EDIL3: variants seen among roughly 807,000 people sequenced by gnomAD.
The protein encoded by EDIL3 is EGF-like repeat and discoidin I-like domain-containing protein 3.
In EDIL3, 37 loss-of-function variants were observed where a neutral mutation model predicts 67.4. That is an observed-to-expected ratio of 0.55 (90% confidence interval 0.42 to 0.72). The LOEUF (loss-of-function observed/expected upper bound fraction) is 0.72. Ranked by LOEUF, EDIL3 falls within the 30% of genes least tolerant of loss-of-function variation. EDIL3 has a pLI of 0.00. For missense variants in EDIL3, 527 were observed against 586.3 expected (o/e 0.90, Z 1.04); for synonymous variants, 195 against 196.3 (o/e 0.99, Z 0.05).
At chr5:84,055,557 C>T (rs530644672) in intron 9 of EDIL3, among the ~76,000 whole-genome samples, 1 of 151,946 alleles carries the variant, frequency 6.6e-6, no homozygotes, top group East Asian at 1.9e-4. Flanking sequence ...GCAATCTAGT[C>T]ATCTGACAAA....
At chr5:84,206,071 C>A (rs1324021471) in intron 3 of EDIL3, among the ~76,000 whole-genome samples, 1 of 151,200 alleles carries the variant, frequency 6.6e-6, no homozygotes, top group African/African-American at 2.4e-5. Context: ...TTTCCCTCTA[C>A]ACACTGCTTT....
At chr5:83,985,819 C>G (rs943993152) in intron 9 of EDIL3, among the ~76,000 whole-genome samples, 1 of 151,378 alleles carries the variant, frequency 6.6e-6, no homozygotes, top group African/African-American at 2.4e-5. Context: ...TTTTTAAATT[C>G]ACTATTTTTA....
At chr5:84,217,941 C>T (rs1744266102) in intron 3 of EDIL3, among the ~76,000 whole-genome samples, 2 of 151,918 alleles carry the variant, frequency 1.3e-5, no homozygotes, top group Admixed American at 6.6e-5. Context: ...TAATTTCTGG[C>T]TTGTCTCCTA....
intron 1 of EDIL3, among the ~76,000 whole-genome samples, chr5:84,371,962 T>C (rs1026769962): frequency 6.6e-6 from 1 of 152,164 alleles, no homozygotes; most frequent in East Asian, 1.9e-4. Context: ...CACTTTTTGA[T>C]AGTACTCATT....
At chr5:84,130,367 T>G (rs1021135964) in intron 5 of EDIL3, among the ~76,000 whole-genome samples, 1 of 152,196 alleles carries the variant, frequency 6.6e-6, no homozygotes, top group African/African-American at 2.4e-5. Flanking sequence ...AGTTTATTCA[T>G]GTATGTTCTT....
At chr5:84,263,963 G>C (rs1342124725) in intron 1 of EDIL3, among the ~76,000 whole-genome samples, 5 of 152,208 alleles carry the variant, frequency 3.3e-5, no homozygotes, top group African/African-American at 4.8e-5. Context: ...GTTCTGGCCA[G>C]GAATGATGGC....
chr5:84,080,279 A>G (rs1460167972), intron 6 of EDIL3, among the ~76,000 whole-genome samples: 1 of 115,890 alleles, frequency 8.6e-6, no homozygotes, highest in South Asian at 3.1e-4. Flanking sequence ...AGCCTGGGTG[A>G]CAGAGCGAGA....
chr5:84,208,672 C>T (rs1475378367), intron 3 of EDIL3, among the ~76,000 whole-genome samples: 4 of 107,436 alleles, frequency 3.7e-5, no homozygotes, highest in Non-Finnish European at 5.1e-5. Flanking sequence ...GGCAACAGAG[C>T]GAGACTCCGT....
At chr5:84,232,396 T>C (rs1451965880) in intron 2 of EDIL3, among the ~76,000 whole-genome samples, 1 of 59,776 alleles carries the variant, frequency 1.7e-5, no homozygotes, top group African/African-American at 6.4e-5. Context: ...AAAGAAGTGA[T>C]GTCTAAGAAG....
At chr5:84,033,852 A>T in intron 9 of EDIL3, among the ~76,000 whole-genome samples, 1 of 152,218 alleles carries the variant, frequency 6.6e-6, no homozygotes, top group East Asian at 1.9e-4. Context: ...ATATTAAGTT[A>T]GTGATCTGGA....
At chr5:84,113,579 T>C (rs1299590035) in intron 5 of EDIL3, among the ~76,000 whole-genome samples, 1 of 152,212 alleles carries the variant, frequency 6.6e-6, no homozygotes, top group Non-Finnish European at 1.5e-5. Flanking sequence ...CTTCTCACTC[T>C]GCAAATTCAT....
chr5:84,116,710 T>C (rs1193607538), intron 5 of EDIL3, among the ~76,000 whole-genome samples: 3 of 152,228 alleles, frequency 2.0e-5, no homozygotes, highest in Admixed American at 6.5e-5. Flanking sequence ...CTGAAAGGAA[T>C]AATTCAACAT....
intron 9 of EDIL3, among the ~76,000 whole-genome samples, chr5:83,981,049 T>C (rs1332590409): frequency 1.3e-5 from 2 of 152,066 alleles, no homozygotes; most frequent in African/African-American, 4.8e-5. Context: ...TTAGTATTGT[T>C]AAATGGCAAT....
At chr5:84,274,394 C>G (rs564726016) in intron 1 of EDIL3, among the ~76,000 whole-genome samples, 166 of 152,268 alleles carry the variant, frequency 1.1e-3, no homozygotes, top group Non-Finnish European at 1.9e-3. Context: ...AATATCACAC[C>G]AGGCCCTAAT....
intron 8 of EDIL3, 113 bp downstream of exon 8, chr5:84,064,587 C>A: frequency 7.4e-7 from 1 of 1,357,650 alleles, no homozygotes; most frequent in Non-Finnish European, 9.8e-7. Context: ...GACATTTTTC[C>A]CCAGAAAAAA....
At chr5:84,340,503 A>ACTCTCT (rs1170972212) in intron 1 of EDIL3, among the ~76,000 whole-genome samples, 492 of 38,498 alleles carry the variant, frequency 0.013, 13 homozygotes, top group African/African-American at 0.021. Flanking sequence ...AGGGAAGATT[A>ACTCTCT]CTCTCTCTCT....
chr5:84,209,267 C>T (rs1744062988), intron 3 of EDIL3, among the ~76,000 whole-genome samples: 1 of 151,904 alleles, frequency 6.6e-6, no homozygotes, highest in South Asian at 2.1e-4. Context: ...GGCGATACAC[C>T]TAATGCTAAA....
At chr5:84,294,422 T>C (rs1425607209) in intron 1 of EDIL3, among the ~76,000 whole-genome samples, 1 of 147,422 alleles carries the variant, frequency 6.8e-6, no homozygotes, top group Non-Finnish European at 1.5e-5. Flanking sequence ...TAAGTCATCA[T>C]CCAGATGGAA....
At chr5:84,339,036 CTG>C (rs1398364035) in intron 1 of EDIL3, among the ~76,000 whole-genome samples, 3 of 151,892 alleles carry the variant, frequency 2.0e-5, no homozygotes, top group Admixed American at 6.6e-5. Context: ...GTACTGGGCT[CTG>C]TGGTTGGTGC....
Sources: gnomAD v4.1 joint callset for allele counts (sites outside exome capture counted in the v4.1 genomes callset) on GRCh38, gnomAD v4.1.1 for gene constraint, MANE v1.5 for transcripts, NCBI Gene and HGNC (gene_info 2026-07-23, HGNC 2026-07-21) for gene names.